Variants in DPYD observed in about 807,000 individuals in gnomAD.
DPYD encodes the protein dihydropyrimidine dehydrogenase, also known as dihydropyrimidine dehydrogenase [NADP(+)].
In DPYD, 109 loss-of-function variants were observed where a neutral mutation model predicts 116.2. That is an observed-to-expected ratio of 0.94 (90% CI 0.80 to 1.10). DPYD has a LOEUF of 1.10. Among genes scored for constraint, DPYD ranks in the 50% least tolerant of loss-of-function variants. The pLI, the probability that DPYD is intolerant of heterozygous loss-of-function variation, is 0.00. For synonymous variants in DPYD, 440 were observed against 432.0 expected (o/e 1.02, Z -0.23); for missense variants, 1,302 against 1,254.5 (o/e 1.04, Z -0.57).
intron 18 of DPYD, among the ~76,000 whole-genome samples, chr1:97,251,209 C>T (rs1283921384): frequency 2.0e-5 from 3 of 151,520 alleles, no homozygotes; most frequent in Non-Finnish European, 4.4e-5. Flanking sequence ...CCAGCCTGGC[C>T]GACATGGTGA....
At chr1:97,522,549 C>T (rs907338914) in intron 12 of DPYD, among the ~76,000 whole-genome samples, 2 of 152,046 alleles carry the variant, frequency 1.3e-5, no homozygotes, top group African/African-American at 4.8e-5. Flanking sequence ...GAAACCCCGT[C>T]TCTACTAAAA....
intron 8 of DPYD, among the ~76,000 whole-genome samples, chr1:97,649,188 G>T (rs917191483): frequency 1.3e-5 from 2 of 151,936 alleles, no homozygotes; most frequent in African/African-American, 2.4e-5. Context: ...GCAATTTTTA[G>T]TCTTTAATTA....
chr1:97,517,113 A>C (rs1317004505), intron 12 of DPYD, among the ~76,000 whole-genome samples: 1 of 152,074 alleles, frequency 6.6e-6, no homozygotes, highest in African/African-American at 2.4e-5. Flanking sequence ...TTAATATGTA[A>C]AAAGGCATCA....
At chr1:97,811,495 A>G (rs1668348167) in intron 3 of DPYD, among the ~76,000 whole-genome samples, 1 of 152,176 alleles carries the variant, frequency 6.6e-6, no homozygotes, top group Non-Finnish European at 1.5e-5. Context: ...TGCTAGTAGT[A>G]TTCACAAATA....
chr1:97,424,222 G>T lies in DPYD; in HGVS notation c.1905+25837C>A, dbSNP rs976518144. Among the ~76,000 whole-genome samples, 5 of 152,162 alleles carry T rather than the reference G, an allele frequency of 3.3e-5. No individual in the cohort carries two copies. The East Asian group carries it at 9.7e-4, about 30-fold the overall frequency. Reference sequence around the variant, plus strand: ...ATCAAAGGATATGTGGAAAGGATATGTGAAAACCCATTACACCTATAGTAA... The same window carrying T: ...ATCAAAGGATATGTGGAAAGGATATTTGAAAACCCATTACACCTATAGTAA... On this transcript the variant is annotated intron_variant, in intron 14 of 22. Coordinates refer to ENST00000370192, the MANE Select transcript of DPYD (RefSeq NM_000110.4).
chr1:97,507,040 T>C (rs1647391111), intron 13 of DPYD, among the ~76,000 whole-genome samples: 1 of 152,030 alleles, frequency 6.6e-6, no homozygotes, highest in East Asian at 1.9e-4. Context: ...CTTTTGTTGA[T>C]GAAGAAATGA....
chr1:97,385,405 G>C (rs938640940), intron 14 of DPYD, among the ~76,000 whole-genome samples: 1 of 147,762 alleles, frequency 6.8e-6, no homozygotes, highest in Non-Finnish European at 1.5e-5. Context: ...AGAACTTCAA[G>C]GGCAGAGACA....
chr1:97,877,804 G>A (rs1453562265), intron 2 of DPYD, among the ~76,000 whole-genome samples: 1 of 151,896 alleles, frequency 6.6e-6, no homozygotes, highest in Non-Finnish European at 1.5e-5. Flanking sequence ...TGTCAATGGA[G>A]GGACATATAT....
chr1:97,506,955 A>T (rs1262525688), intron 13 of DPYD, among the ~76,000 whole-genome samples: 1 of 152,028 alleles, frequency 6.6e-6, no homozygotes, highest in African/African-American at 2.4e-5. Context: ...TGGTGTATTC[A>T]TTAGATTCTA....
intron 10 of DPYD, among the ~76,000 whole-genome samples, chr1:97,592,153 A>C (rs542379469): frequency 6.6e-6 from 1 of 152,336 alleles, no homozygotes; most frequent in East Asian, 1.9e-4. Flanking sequence ...TTCCGAAGCA[A>C]GTCAAGTTCA....
chr1:97,324,579 G>A (rs76431772), intron 16 of DPYD, among the ~76,000 whole-genome samples: 3,147 of 152,154 alleles, frequency 0.021, 53 homozygotes, highest in Non-Finnish European at 0.033. Flanking sequence ...CAAGAGTAAG[G>A]CATCAACTTT....
intron 14 of DPYD, among the ~76,000 whole-genome samples, chr1:97,403,948 A>C (rs1673510453): frequency 6.6e-6 from 1 of 151,912 alleles, no homozygotes; most frequent in African/African-American, 2.4e-5. Flanking sequence ...TTGCCCTTTA[A>C]GTACTACTTT....
At chr1:97,869,854 T>C (rs1671571965) in intron 2 of DPYD, among the ~76,000 whole-genome samples, 1 of 151,874 alleles carries the variant, frequency 6.6e-6, no homozygotes, top group African/African-American at 2.4e-5. Flanking sequence ...TCTGTCTTCA[T>C]TTCTTTCATG....
intron 8 of DPYD, among the ~76,000 whole-genome samples, chr1:97,602,777 C>A (rs377251906): frequency 3.3e-5 from 5 of 151,626 alleles, no homozygotes; most frequent in African/African-American, 9.7e-5. Flanking sequence ...GAACAACAAA[C>A]CCTTTGGACA....
chr1:97,187,613 T>C (rs6692424), intron 20 of DPYD, among the ~76,000 whole-genome samples: 108,914 of 151,996 alleles, frequency 0.72, 40,280 homozygotes, highest in East Asian at 0.99. Flanking sequence ...GTTGCATTTG[T>C]TTTTGAGGTC....
At chr1:97,360,388 A>C (rs1195816460) in intron 16 of DPYD, among the ~76,000 whole-genome samples, 1 of 152,224 alleles carries the variant, frequency 6.6e-6, no homozygotes, top group African/African-American at 2.4e-5. Context: ...AATATTAGAC[A>C]GATCAGTGAG....
intron 13 of DPYD, among the ~76,000 whole-genome samples, chr1:97,513,244 G>A (rs528666362): frequency 6.6e-6 from 1 of 151,502 alleles, no homozygotes; most frequent in African/African-American, 2.4e-5. Flanking sequence ...AATAAAAAAA[G>A]GGAAACAAAG....
chr1:97,852,821 C>T (rs759363507), intron 2 of DPYD, among the ~76,000 whole-genome samples: 1 of 152,106 alleles, frequency 6.6e-6, no homozygotes, highest in Non-Finnish European at 1.5e-5. Context: ...ATGTTCGTCA[C>T]AATTCAAATA....
intron 13 of DPYD, among the ~76,000 whole-genome samples, chr1:97,458,962 GA>G (rs1557726353): frequency 6.6e-6 from 1 of 151,830 alleles, no homozygotes; most frequent in African/African-American, 2.4e-5. Flanking sequence ...AATGACATGA[GA>G]AAAAAGATAT....
Sources: gnomAD v4.1 joint callset for allele counts (sites outside exome capture counted in the v4.1 genomes callset) on GRCh38, gnomAD v4.1.1 for gene constraint, MANE v1.5 for transcripts, NCBI Gene and HGNC (gene_info 2026-07-23, HGNC 2026-07-21) for gene names.